OLFM3: variants seen among roughly 807,000 people sequenced by gnomAD.
The protein encoded by OLFM3 is noelin-3.
Under a neutral mutation model 48.6 loss-of-function variants are expected in OLFM3, and 20 were observed. The observed-to-expected ratio is 0.41, with a 90% CI of 0.29 to 0.60. OLFM3 has a LOEUF of 0.60. OLFM3 is among the 20% of genes least tolerant of loss of function. OLFM3 has a pLI of 0.28. For missense variants in OLFM3, 437 were observed against 544.3 expected (o/e 0.80, Z 1.96); for synonymous variants, 222 against 198.1 (o/e 1.12, Z -1.01).
At chr1:101,900,322 G>A (rs1438179424) in intron 1 of OLFM3, among the ~76,000 whole-genome samples, 1 of 152,090 alleles carries the variant, frequency 6.6e-6, no homozygotes, top group Non-Finnish European at 1.5e-5. Context: ...ACAGAAGAAA[G>A]GTAGTTAATG....
At chr1:101,995,273 G>A (rs1001730986) in intron 1 of OLFM3, among the ~76,000 whole-genome samples, 2 of 152,004 alleles carry the variant, frequency 1.3e-5, no homozygotes, top group African/African-American at 4.8e-5. Context: ...GTATTCAAAA[G>A]TTTTAAACAA....
In OLFM3 at chr1:101,956,093, T is replaced by TG. The variant is rs902995110; in HGVS notation, c.69+40654_69+40655insC. Among the ~76,000 whole-genome samples the TG allele has an allele frequency of 3.2e-5, 4 of 125,852 alleles. 1 individual carries two copies. The highest frequency in any genetic ancestry group is 1.2e-4 in the African/African-American group (4 of 33,548). The allele number at this position is 125,852 out of a possible 152,430, so 82.6% of individuals were successfully genotyped here. A position where few individuals can be genotyped will look rare whatever the true frequency, so the allele number is the denominator to read the frequency against. ...AATTCAACACAATAACAGGTTTTTT[T>TG]TTTTTTTTTTAAAAAAAACCTTTAC... On this transcript the variant is annotated intron_variant, in intron 1 of 5. Transcript: ENST00000370103.
intron 1 of OLFM3, among the ~76,000 whole-genome samples, chr1:101,846,317 T>C (rs1272253053): frequency 1.3e-5 from 2 of 152,168 alleles, no homozygotes; most frequent in Non-Finnish European, 2.9e-5. Context: ...TAAAGGAATT[T>C]TGGGCAGGCC....
chr1:101,877,832 A>AT (rs1012418126), intron 1 of OLFM3, among the ~76,000 whole-genome samples: 1 of 151,666 alleles, frequency 6.6e-6, no homozygotes, highest in Non-Finnish European at 1.5e-5. Context: ...TATACAACAT[A>AT]TTTTTTATTA....
intron 4 of OLFM3, chr1:101,813,060 C>T (rs929393419): frequency 3.2e-6 from 4 of 1,265,490 alleles, no homozygotes; most frequent in South Asian, 2.7e-5. Flanking sequence ...GGAGGCAAGT[C>T]GCGTGTTATA....
intron 1 of OLFM3, chr1:101,893,240 C>T: frequency 3.4e-6 from 1 of 293,828 alleles, no homozygotes; most frequent in Admixed American, 3.8e-5. Context: ...GGTGTGAAGA[C>T]AGAGGTGGGG....
intron 1 of OLFM3, among the ~76,000 whole-genome samples, chr1:101,975,410 A>G (rs1362383233): frequency 2.0e-5 from 3 of 152,214 alleles, no homozygotes; most frequent in Non-Finnish European, 4.4e-5. Flanking sequence ...GAATAGTAAA[A>G]CATTAAAACA....
At chr1:101,882,315 GCA>G (rs1657562243) in intron 1 of OLFM3, among the ~76,000 whole-genome samples, 1 of 124,060 alleles carries the variant, frequency 8.1e-6, no homozygotes, top group Non-Finnish European at 1.7e-5. Flanking sequence ...TAATATAAGT[GCA>G]TATATATATA....
At chr1:101,959,378 G>C (rs954008777) in intron 1 of OLFM3, among the ~76,000 whole-genome samples, 3 of 148,510 alleles carry the variant, frequency 2.0e-5, no homozygotes, top group African/African-American at 7.5e-5. Flanking sequence ...ACTTTCTAAA[G>C]CTCTGTTGAA....
chr1:101,871,872 A>G (rs1179283137), intron 1 of OLFM3, among the ~76,000 whole-genome samples: 3 of 152,122 alleles, frequency 2.0e-5, no homozygotes, highest in Non-Finnish European at 2.9e-5. Context: ...CTTATGTGAT[A>G]GAACTTAAGT....
At chr1:101,884,625 T>G (rs999542583) in intron 1 of OLFM3, among the ~76,000 whole-genome samples, 4 of 151,912 alleles carry the variant, frequency 2.6e-5, no homozygotes, top group African/African-American at 7.2e-5. Flanking sequence ...TGCAGTCAAT[T>G]TATAATCAGG....
intron 1 of OLFM3, among the ~76,000 whole-genome samples, chr1:101,963,965 A>T (rs1389059582): frequency 6.6e-6 from 1 of 152,216 alleles, no homozygotes; most frequent in Non-Finnish European, 1.5e-5. Flanking sequence ...ATTCATGTTA[A>T]TATCACAGTA....
chr1:101,993,604 AG>A (rs1661475372), intron 1 of OLFM3, among the ~76,000 whole-genome samples: 1 of 152,164 alleles, frequency 6.6e-6, no homozygotes, highest in South Asian at 2.1e-4. Flanking sequence ...TTTTCTAAAA[AG>A]AACTGGAAAC....
At chr1:101,873,515 C>T (rs1397700615) in intron 1 of OLFM3, among the ~76,000 whole-genome samples, 2 of 151,820 alleles carry the variant, frequency 1.3e-5, no homozygotes, top group Non-Finnish European at 2.9e-5. Flanking sequence ...CCCTGTAAGG[C>T]CTATAGGACT....
chr1:101,848,265 AG>A (rs1456244618), intron 1 of OLFM3, among the ~76,000 whole-genome samples: 3 of 152,196 alleles, frequency 2.0e-5, no homozygotes, highest in African/African-American at 7.2e-5. Flanking sequence ...AAAAAGGAAA[AG>A]TATTGTTTTG....
chr1:101,932,976 G>T (rs1352971962), intron 1 of OLFM3, among the ~76,000 whole-genome samples: 1 of 152,048 alleles, frequency 6.6e-6, no homozygotes, highest in Non-Finnish European at 1.5e-5. Flanking sequence ...GGCTGAGGTG[G>T]GCAGATCACG....
At chr1:101,880,750 C>A (rs1033334428) in intron 1 of OLFM3, among the ~76,000 whole-genome samples, 4 of 151,794 alleles carry the variant, frequency 2.6e-5, no homozygotes, top group Admixed American at 6.6e-5. Flanking sequence ...GCTGCAAATA[C>A]CTTGGAGGAG....
intron 1 of OLFM3, among the ~76,000 whole-genome samples, chr1:101,963,513 T>TGAGACTTACA (rs1553183701): frequency 1.0e-5 from 1 of 96,120 alleles, no homozygotes; most frequent in Admixed American, 1.1e-4. Flanking sequence ...GTGAGGAGGC[T>TGAGACTTACA]GAGACTTACA....
At position 101,972,597 on chromosome 1, in the gene OLFM3, A is replaced by C. The variant is rs184350854; in HGVS notation, c.69+24151T>G. Reference sequence around the variant, plus strand: ...GAGTCCAGAGAACTCAATGATGATAAATATCTTAGATAACATTATAGACCC... The same window carrying C: ...GAGTCCAGAGAACTCAATGATGATACATATCTTAGATAACATTATAGACCC... On this transcript the variant is annotated intron_variant, in intron 1 of 5. Transcript: ENST00000370103. Among the ~76,000 whole-genome samples, 809 of 152,300 alleles carry C rather than the reference A, an allele frequency of 5.3e-3. 6 individuals are homozygous for C. The highest frequency in any genetic ancestry group is 8.2e-3 in the Non-Finnish European group (559 of 68,018).
Sources: allele counts gnomAD v4.1 joint callset (sites outside exome capture counted in the v4.1 genomes callset), GRCh38; gene constraint gnomAD v4.1.1; transcripts MANE v1.5; gene names NCBI Gene and HGNC (gene_info 2026-07-23, HGNC 2026-07-21).